The following MORC2 variants were observed in gnomAD, a reference collection of about 807,000 sequenced individuals.
MORC2 encodes ATPase MORC2.
A neutral mutation model predicts 136.0 loss-of-function variants in MORC2; 30 were observed. The observed-to-expected ratio is 0.22, with a 90% confidence interval of 0.17 to 0.30. MORC2 has a LOEUF of 0.30. Ranked by LOEUF, MORC2 falls within the 10% of genes least tolerant of loss-of-function variation. The pLI, the probability that MORC2 is intolerant of heterozygous loss-of-function variation, is 1.00. For missense variants in MORC2, 922 were observed against 1,333.1 expected (o/e 0.69, Z 4.80); for synonymous variants, 439 against 487.0 (o/e 0.90, Z 1.30).
chr22:30,931,489 G>A (rs2040575533), intron 24 of MORC2, among the ~76,000 whole-genome samples: 1 of 152,206 alleles, frequency 6.6e-6, no homozygotes, highest in African/African-American at 2.4e-5. Context: ...TTCATACAGA[G>A]TTTAAGCCAG....
Position 30,925,294 on chromosome 22 carries a change from A to G in MORC2, c.*1509T>C. 3.5e-6 allele frequency: 1 copy of G among 289,114 alleles called. No homozygotes were observed. Among genetic ancestry groups the G allele is most frequent in the Non-Finnish European group, 6.7e-6 (1 of 148,930 alleles). The allele number at this position is 289,114 out of a possible 1,614,324, so 17.9% of individuals were successfully genotyped here. Reference sequence around the variant, plus strand: ...GGACCCCATGCTGCCTGAGATGAAGAGAGAGAGCAGGATGGCAGAGGAATC... The same window carrying G: ...GGACCCCATGCTGCCTGAGATGAAGGGAGAGAGCAGGATGGCAGAGGAATC... On this transcript the variant is annotated 3_prime_UTR_variant, in exon 26 of 26. Coordinates refer to ENST00000397641, the MANE Select transcript of MORC2 (RefSeq NM_001303256.3).
chr22:30,950,540 C>A, intron 3 of MORC2, 95 bp from the exon 4 acceptor site: 1 of 1,280,078 alleles, frequency 7.8e-7, no homozygotes, highest in South Asian at 1.3e-5. Flanking sequence ...AAGCTTGGTC[C>A]AAAAAGGTCA....
intron 10 of MORC2, 59 bp from the exon 11 acceptor site, chr22:30,940,100 C>T: frequency 1.3e-6 from 2 of 1,533,782 alleles, no homozygotes; most frequent in Non-Finnish European, 1.8e-6. Context: ...TTGGTCATCC[C>T]TCCTGGATCC....
At chr22:30,963,778 T>C (rs889963477) in intron 1 of MORC2, among the ~76,000 whole-genome samples, 1 of 152,190 alleles carries the variant, frequency 6.6e-6, no homozygotes, top group Non-Finnish European at 1.5e-5. Flanking sequence ...TAGCTTGTTA[T>C]GTAAGGAAAA....
intron 6 of MORC2, among the ~76,000 whole-genome samples, chr22:30,942,990 G>A (rs948197126): frequency 6.6e-6 from 1 of 152,102 alleles, no homozygotes; most frequent in African/African-American, 2.4e-5. Context: ...GGGCAACAGA[G>A]CAAGACTCCA....
chr22:30,932,730 G>T lies in MORC2; in HGVS notation c.2562C>A (p.Pro854=). 1 of 1,614,176 alleles carries T rather than the reference G, an allele frequency of 6.2e-7. No individual in the cohort carries two copies. The highest frequency in any genetic ancestry group is 8.5e-7 in the Non-Finnish European group (1 of 1,180,032). Residue 854 remains proline, a synonymous_variant, in exon 23 of 26, where the codon CCC becomes CCA. Transcript: ENST00000397641. This position sits in a 1 kb window ranked among gnomAD's most constrained non-coding sequence, Gnocchi z 4.4. The part of the protein sequence containing the change: ...KGSEDVRLMK[P]PSPEHQSLDT... Reference sequence around the variant, plus strand: ...CAAGGCTCTGATGTTCCGGAGAAGGGGGTTTCATCAGCCGCACATCCTCAC... The same window carrying T: ...CAAGGCTCTGATGTTCCGGAGAAGGTGGTTTCATCAGCCGCACATCCTCAC...
intron 5 of MORC2, 103 bp downstream of exon 5, chr22:30,949,649 A>G (rs2040861667): frequency 2.1e-6 from 2 of 955,838 alleles, no homozygotes; most frequent in African/African-American, 3.3e-5. Context: ...CCAGAATTAT[A>G]GTCAATAGAG....
chr22:30,926,901 G>A (rs750905120), intron 25 of MORC2, 30 bp from the exon 26 acceptor site: 2 of 1,598,318 alleles, frequency 1.3e-6, no homozygotes, highest in Non-Finnish European at 1.7e-6. Flanking sequence ...GGATCAACTG[G>A]GGGCCAGAAA....
At chr22:30,939,820 G>A in intron 11 of MORC2, 114 bp from the exon 12 acceptor site, 1 of 1,343,342 alleles carries the variant, frequency 7.4e-7, no homozygotes, top group Non-Finnish European at 1.0e-6. Context: ...AACCACACCT[G>A]GAAATTTACT....
At chr22:30,964,523 T>A (rs1422484962) in intron 1 of MORC2, among the ~76,000 whole-genome samples, 1 of 152,180 alleles carries the variant, frequency 6.6e-6, no homozygotes, top group Non-Finnish European at 1.5e-5. Flanking sequence ...AATATACACA[T>A]TTTATGCCAA....
At chr22:30,950,345 C>CT in intron 4 of MORC2, 32 bp downstream of exon 4, 1 of 784,398 alleles carries the variant, frequency 1.3e-6, no homozygotes, top group Non-Finnish European at 2.2e-6. Flanking sequence ...TCGCACCCCC[C>CT]CACCCCCCAA....
rs2040586964 is a variant in MORC2 at position 30,932,294 on chromosome 22, C to A, written c.2841+65G>T. The A allele has an allele frequency of 1.5e-6, 2 of 1,351,392 alleles. No individual in the cohort carries two copies. Among genetic ancestry groups the A allele is most frequent in the African/African-American group, 1.5e-5 (1 of 68,964 alleles). The allele number at this position is 1,351,392 out of a possible 1,614,324, so 83.7% of individuals were successfully genotyped here. A position where few individuals can be genotyped will look rare whatever the true frequency, so the allele number is the denominator to read the frequency against. ...GTAACAATCATAATCACAACAGTTACAACAAATGCAGGGGCAGGGGTGGGG... is the reference window on the plus strand; with the variant it reads ...GTAACAATCATAATCACAACAGTTAAAACAAATGCAGGGGCAGGGGTGGGG... On this transcript the variant is annotated intron_variant, in intron 24 of 25. Transcript: ENST00000397641. The surrounding 1 kb of genome is among the most constrained non-coding windows in gnomAD (Gnocchi z 4.4).
intron 5 of MORC2, 55 bp downstream of exon 5, chr22:30,949,697 G>C (rs2040862080): frequency 2.2e-6 from 3 of 1,381,860 alleles, no homozygotes; most frequent in Admixed American, 3.4e-5. Flanking sequence ...AAGAGAAGCA[G>C]GACAGCATTG....
chr22:30,934,795 T>G lies in MORC2; in HGVS notation c.2179A>C (p.Ile727Leu). ...TPVVKKTESP[I>L]KLSPATPSRK... Reference sequence around the variant, plus strand: ...AAGCGTCTCACCGGGGAGAGTTTGATGGGTGACTCTGTCTTCTTCACCACT... The same window carrying G: ...AAGCGTCTCACCGGGGAGAGTTTGAGGGGTGACTCTGTCTTCTTCACCACT... Residue 727 changes from isoleucine (I) to leucine (L), a missense_variant, in exon 19 of 26, where the codon ATC (isoleucine) becomes CTC (leucine). This residue lies in a region of MORC2 where 184 missense variants were observed against 180.3 expected (regional missense o/e 1.02). Coordinates refer to ENST00000397641, the MANE Select transcript of MORC2 (RefSeq NM_001303256.3). The surrounding 1 kb of genome is among the most constrained non-coding windows in gnomAD (Gnocchi z 4.4). 1 of 1,614,096 alleles carries G rather than the reference T, an allele frequency of 6.2e-7. No homozygotes were observed. Among genetic ancestry groups the G allele is most frequent in the Non-Finnish European group, 8.5e-7 (1 of 1,179,974 alleles).
intron 9 of MORC2, 116 bp from the exon 10 acceptor site, chr22:30,940,953 C>T: frequency 1.2e-6 from 1 of 865,854 alleles, no homozygotes; most frequent in South Asian, 1.4e-5. Context: ...GTCCTGGCCC[C>T]TCATGATGAG....
At chr22:30,950,353 C>CAAAAAAAA in intron 4 of MORC2, 24 bp downstream of exon 4, 2 of 1,481,938 alleles carry the variant, frequency 1.3e-6, no homozygotes, top group Non-Finnish European at 1.9e-6. Context: ...CCCCACCCCC[C>CAAAAAAAA]AAAACAATAA....
Position 30,966,734 on chromosome 22 carries a change from C to T in MORC2, c.68+1088G>A, listed in dbSNP as rs142434237. Among the ~76,000 whole-genome samples the T allele has an allele frequency of 5.0e-3, 757 of 152,142 alleles. 1 individual carries two copies. Among genetic ancestry groups the T allele is most frequent in the Middle Eastern group, 0.017 (5 of 294 alleles). ...TGAAGGTTGCAGTGAGCCAAGATTG[C>T]GCCACCCCACTCTAGCCTGAGCAAC... On this transcript the variant is annotated intron_variant, in intron 1 of 25. Transcript: ENST00000397641.
chr22:30,936,851 T>C, intron 16 of MORC2, 81 bp downstream of exon 16: 1 of 1,384,666 alleles, frequency 7.2e-7, no homozygotes, highest in Admixed American at 1.8e-5. Context: ...AGATGTAAGG[T>C]ATGTGCACTG....
At position 30,932,574 on chromosome 22, in the gene MORC2, C is replaced by T; in HGVS notation, c.2718G>A (p.Glu906=). The T allele has an allele frequency of 6.2e-7, 1 of 1,614,126 alleles. No individual in the cohort carries two copies. The highest frequency in any genetic ancestry group is 8.5e-7 in the Non-Finnish European group (1 of 1,180,028). ...GGATCTGGACAAGCAGGTCGATGGT[C>T]TCGTGATTGGTGCTCAGGGCAGTGG... ...PDTTALSTNH[E]TIDLLVQILR... is the part of the protein sequence containing the mutation. The change falls in exon 23 of 26, where the codon GAG becomes GAA. Residue 906 remains glutamate (E), a synonymous_variant. Coordinates refer to ENST00000397641, the MANE Select transcript of MORC2 (RefSeq NM_001303256.3). The surrounding 1 kb of genome is among the most constrained non-coding windows in gnomAD (Gnocchi z 4.4).
Sources: gnomAD v4.1 joint callset for allele counts (sites outside exome capture counted in the v4.1 genomes callset) on GRCh38, gnomAD v4.1.1 for gene constraint, gnomAD v4.1.1 regional missense constraint, Gnocchi (gnomAD v3.1) non-coding constraint, MANE v1.5 for transcripts, NCBI Gene and HGNC (gene_info 2026-07-23, HGNC 2026-07-21) for gene names.